NUBPL: variants seen among roughly 807,000 people sequenced by gnomAD.
The protein encoded by NUBPL is NUBP iron-sulfur cluster assembly factor, mitochondrial, also known as iron-sulfur cluster transfer protein NUBPL.
NUBPL carries 31 observed loss-of-function variants against 45.7 expected under a neutral mutation model. The ratio of observed to expected loss-of-function variants is 0.68; its 90% CI spans 0.51 to 0.92. The LOEUF (loss-of-function observed/expected upper bound fraction) is 0.92. Ranked by LOEUF, NUBPL falls within the 40% of genes least tolerant of loss-of-function variation. The pLI is 0.00. For missense variants in NUBPL, 401 were observed against 398.7 expected (o/e 1.01, Z -0.05); for synonymous variants, 144 against 140.9 (o/e 1.02, Z -0.15).
At chr14:31,814,018 A>G (rs2039867321) in intron 7 of NUBPL, among the ~76,000 whole-genome samples, 3 of 152,234 alleles carry the variant, frequency 2.0e-5, no homozygotes, top group Admixed American at 2.0e-4. Context: ...TCTTTATAGT[A>G]GAATGATTTA....
rs74043633 is a variant in NUBPL, at chr14:31,835,390, C to T, written c.693+8676C>T. On this transcript the variant is annotated intron_variant, in intron 8 of 10. Coordinates refer to ENST00000281081, the MANE Select transcript of NUBPL (RefSeq NM_025152.3). Reference sequence around the variant, plus strand: ...GTTTGAATTTTGGCTTTGTCATTTACTAACTGTGTGACCTTGAGCAAATAA... The same window carrying T: ...GTTTGAATTTTGGCTTTGTCATTTATTAACTGTGTGACCTTGAGCAAATAA... Among the ~76,000 whole-genome samples, 1,132 of 152,268 alleles carry T rather than the reference C, an allele frequency of 7.4e-3. 16 individuals are homozygous for T. Among genetic ancestry groups the T allele is most frequent in the African/African-American group, 0.026 (1,078 of 41,540 alleles).
In NUBPL at chr14:31,819,936, C is replaced by A. The variant is rs140959645; in HGVS notation, c.608-6693C>A. On this transcript the variant is annotated intron_variant, in intron 7 of 10. Transcript: ENST00000281081. The stretch of plus-strand genomic sequence containing the variant: ...TGGGCGGATCACGAGGTCAGGAGAT[C>A]GAGACCATCCTGGCTAACACGGTGA... Among the ~76,000 whole-genome samples, 146 of 152,004 alleles carry A rather than the reference C, an allele frequency of 9.6e-4. No homozygotes were observed. The East Asian group carries it at 0.025, about 27-fold the overall frequency.
chr14:31,831,277 A>C (rs2040185691), intron 8 of NUBPL, among the ~76,000 whole-genome samples: 1 of 151,750 alleles, frequency 6.6e-6, no homozygotes, highest in South Asian at 2.1e-4. Flanking sequence ...TCCTGACCTC[A>C]AGCAATCCAC....
At chr14:31,564,425 C>T (rs2033380822) in intron 2 of NUBPL, among the ~76,000 whole-genome samples, 1 of 150,704 alleles carries the variant, frequency 6.6e-6, no homozygotes, top group Admixed American at 6.6e-5. Context: ...TGCGGTGGCT[C>T]ATGCCTGTAA....
intron 4 of NUBPL, among the ~76,000 whole-genome samples, chr14:31,621,246 C>T (rs954896442): frequency 2.6e-5 from 4 of 152,156 alleles, no homozygotes; most frequent in Admixed American, 6.5e-5. Context: ...CCGAGCCAGA[C>T]CACTTGGCTT....
chr14:31,677,554 C>T (rs2036729370), intron 6 of NUBPL, among the ~76,000 whole-genome samples: 2 of 152,228 alleles, frequency 1.3e-5, no homozygotes, highest in South Asian at 2.1e-4. Context: ...TTCTTGCAGA[C>T]GTGCAGAGGT....
chr14:31,856,075 A>G (rs997369730), intron 10 of NUBPL, among the ~76,000 whole-genome samples: 4 of 152,230 alleles, frequency 2.6e-5, no homozygotes, highest in African/African-American at 9.7e-5. Context: ...TGATAAAGAC[A>G]TACCAGAGAC....
At chr14:31,667,678 C>T (rs1211709204) in intron 4 of NUBPL, 1 of 152,168 alleles carries the variant, frequency 6.6e-6, no homozygotes, top group Non-Finnish European at 1.5e-5. Flanking sequence ...TTTTCCTCAT[C>T]TTTGTGGATT....
chr14:31,798,535 G>C (rs142318968), intron 7 of NUBPL, among the ~76,000 whole-genome samples: 1,819 of 151,682 alleles, frequency 0.012, 28 homozygotes, highest in African/African-American at 0.034. Flanking sequence ...GCTCACGCCT[G>C]TAATCCCAGC....
intron 4 of NUBPL, among the ~76,000 whole-genome samples, chr14:31,649,889 C>G (rs562389498): frequency 6.6e-6 from 1 of 152,176 alleles, no homozygotes; most frequent in African/African-American, 2.4e-5. Context: ...GACGGAGTTT[C>G]ACTCTTGTTG....
chr14:31,646,572 G>T (rs1269459054), intron 4 of NUBPL, among the ~76,000 whole-genome samples: 2 of 152,068 alleles, frequency 1.3e-5, no homozygotes, highest in Admixed American at 6.5e-5. Context: ...TGAGAAGTGT[G>T]TTGCCAAATG....
At chr14:31,658,404 A>C (rs2036191380) in intron 4 of NUBPL, among the ~76,000 whole-genome samples, 1 of 152,224 alleles carries the variant, frequency 6.6e-6, no homozygotes, top group Non-Finnish European at 1.5e-5. Context: ...TGCCATATGA[A>C]GACAGTTTGC....
At chr14:31,769,636 A>C (rs2038972335) in intron 6 of NUBPL, among the ~76,000 whole-genome samples, 1 of 151,666 alleles carries the variant, frequency 6.6e-6, no homozygotes, top group African/African-American at 2.4e-5. Context: ...TCCTGTTCTT[A>C]TATAAGGTAA....
At position 31,702,312 on chromosome 14, in the gene NUBPL, G is replaced by T. The variant is rs111663407; in HGVS notation, c.513+28738G>T. Reference sequence around the variant, plus strand: ...GCCTTGATGTTCAGAGTTTTTATTGGGGCTCCGTGATAGGGGCATGATTGA... The same window carrying T: ...GCCTTGATGTTCAGAGTTTTTATTGTGGCTCCGTGATAGGGGCATGATTGA... On this transcript the variant is annotated intron_variant, in intron 6 of 10. Coordinates refer to ENST00000281081, the MANE Select transcript of NUBPL (RefSeq NM_025152.3). 6.7e-4 allele frequency among the ~76,000 whole-genome samples: 102 copies of T among 152,228 alleles called. 1 individual carries two copies. Among genetic ancestry groups the T allele is most frequent in the African/African-American group, 2.1e-3 (89 of 41,530 alleles).
intron 1 of NUBPL, 169 bp downstream of exon 1, chr14:31,561,716 T>C: frequency 1.8e-6 from 1 of 550,294 alleles, no homozygotes; most frequent in South Asian, 2.9e-5. Flanking sequence ...GTGGCGGGAC[T>C]TGAAACACAG....
At chr14:31,608,607 G>A (rs2034667769) in intron 4 of NUBPL, among the ~76,000 whole-genome samples, 1 of 152,026 alleles carries the variant, frequency 6.6e-6, no homozygotes, top group South Asian at 2.1e-4. Flanking sequence ...TGAACAGTAG[G>A]TAATCACCTG....
intron 6 of NUBPL, among the ~76,000 whole-genome samples, chr14:31,701,183 A>G (rs1268277050): frequency 6.6e-6 from 1 of 150,802 alleles, no homozygotes; most frequent in Non-Finnish European, 1.5e-5. Flanking sequence ...AGGATTGTAA[A>G]TGCACCAGTC....
chr14:31,859,081 A>G (rs1176119072), intron 10 of NUBPL, 37 bp from the exon 11 acceptor site: 1 of 1,588,388 alleles, frequency 6.3e-7, no homozygotes, highest in Non-Finnish European at 8.6e-7. Context: ...TGTCTGCTGA[A>G]GAGAAATACA....
intron 6 of NUBPL, among the ~76,000 whole-genome samples, chr14:31,751,673 TTGG>T (rs1211821637): frequency 6.6e-6 from 1 of 152,244 alleles, no homozygotes; most frequent in African/African-American, 2.4e-5. Flanking sequence ...GTGCAAGCTG[TTGG>T]TGGATCTACC....
Sources: gnomAD v4.1 joint callset for allele counts (sites outside exome capture counted in the v4.1 genomes callset) on GRCh38, gnomAD v4.1.1 for gene constraint, MANE v1.5 for transcripts, NCBI Gene and HGNC (gene_info 2026-07-23, HGNC 2026-07-21) for gene names.